Variants in GNE observed in about 807,000 individuals in gnomAD.
GNE encodes the protein bifunctional UDP-N-acetylglucosamine 2-epimerase/N-acetylmannosamine kinase.
In GNE, 41 loss-of-function variants were observed where a neutral mutation model predicts 61.8. The ratio of observed to expected loss-of-function variants is 0.66; its 90% CI spans 0.52 to 0.86. The LOEUF is 0.86. Among genes scored for constraint, GNE ranks in the 40% least tolerant of loss-of-function variants. The pLI is 0.00. For synonymous variants in GNE, 264 were observed against 326.4 expected, an observed-to-expected ratio of 0.81 and a Z score of 2.06; for missense variants, 608 against 909.1, an observed-to-expected ratio of 0.67 and a Z score of 4.26.
At chr9:36,228,834 C>T (rs1398573009) in intron 6 of GNE, among the ~76,000 whole-genome samples, 187 bp downstream of exon 6, 1 of 148,848 alleles carries the variant, frequency 6.7e-6, no homozygotes, top group South Asian at 2.1e-4. Flanking sequence ...ATGTATTCTA[C>T]ATTGGAACCT....
chr9:36,239,979 G>A (rs976686873), intron 3 of GNE, among the ~76,000 whole-genome samples: 7 of 152,224 alleles, frequency 4.6e-5, no homozygotes, highest in African/African-American at 1.4e-4. Context: ...CGCTGTTGGT[G>A]TATAGAAGAG....
Position 36,223,358 on chromosome 9 carries a change from A to T in GNE, c.1411+15T>A. 6.2e-7 allele frequency: 1 copy of T among 1,608,446 alleles called. No individual in the cohort carries two copies. The highest frequency in any genetic ancestry group is 8.5e-7 in the Non-Finnish European group (1 of 1,174,812). On this transcript the variant is annotated intron_variant, in intron 8 of 11. Coordinates refer to ENST00000642385, the MANE Select transcript of GNE (RefSeq NM_005476.7). ...TAAAATGAGCATTTCTTGGATTTAT[A>T]ATTTACAATCTTACCTACTCCCAAA...
chr9:36,257,452 C>CGTTTTT (rs1830402713), intron 1 of GNE, among the ~76,000 whole-genome samples: 2 of 152,160 alleles, frequency 1.3e-5, no homozygotes, highest in Non-Finnish European at 2.9e-5. Flanking sequence ...TACCCCACCC[C>CGTTTTT]TCCTACCAGA....
In GNE at chr9:36,215,884, G is replaced by A. The variant is rs1397002110; in HGVS notation, c.*1481C>T. 1 of 175,340 alleles carries A rather than the reference G, an allele frequency of 5.7e-6. No homozygotes were observed. The highest frequency in any genetic ancestry group is 1.2e-5 in the Non-Finnish European group (1 of 81,420). The allele number at this position is 175,340 out of a possible 1,614,324, so 10.9% of individuals were successfully genotyped here. On this transcript the variant is annotated 3_prime_UTR_variant, in exon 12 of 12. Transcript: ENST00000642385. ...CCTAGGGTGTTACTCAACACAGTAT[G>A]AAAGGCTACTGAAGGAAGAAGTGTC...
intron 3 of GNE, among the ~76,000 whole-genome samples, chr9:36,239,438 A>C (rs184997712): frequency 6.6e-5 from 10 of 150,984 alleles, no homozygotes; most frequent in Admixed American, 6.6e-4. Flanking sequence ...CATGTTGTCT[A>C]TGATTTCTTT....
intron 5 of GNE, among the ~76,000 whole-genome samples, chr9:36,231,558 T>C (rs1829156292): frequency 6.6e-6 from 1 of 152,192 alleles, no homozygotes; most frequent in Non-Finnish European, 1.5e-5. Context: ...GATTTGCAAC[T>C]TTCAGGTCTT....
At position 36,217,197 on chromosome 9, in the gene GNE, G is replaced by A; in HGVS notation, c.*168C>T. ...GAATAGCATCTACAAAAATAGGAGT[G>A]GGGAAAGGTGACTCTGGAAGAGGAG... On this transcript the variant is annotated 3_prime_UTR_variant, in exon 12 of 12. Transcript: ENST00000642385. 1.5e-6 allele frequency: 1 copy of A among 661,122 alleles called. No individual in the cohort carries two copies. The highest frequency in any genetic ancestry group is 2.7e-5 in the East Asian group (1 of 36,784). 41.0% of individuals were successfully genotyped at this position (661,122 alleles called of 1,614,324 possible). A position where few individuals can be genotyped will look rare whatever the true frequency, so the allele number is the denominator to read the frequency against.
At chr9:36,250,747 C>T (rs1042174497) in intron 1 of GNE, among the ~76,000 whole-genome samples, 1 of 152,228 alleles carries the variant, frequency 6.6e-6, no homozygotes, top group East Asian at 1.9e-4. Context: ...GTGGCACGAG[C>T]TTGGCTCACT....
intron 6 of GNE, among the ~76,000 whole-genome samples, chr9:36,228,032 CAAA>C (rs1385568208): frequency 2.1e-5 from 1 of 46,904 alleles, no homozygotes; most frequent in Non-Finnish European, 4.8e-5. Flanking sequence ...GACTCCGTCT[CAAA>C]AAAAAAAAAA....
intron 1 of GNE, among the ~76,000 whole-genome samples, chr9:36,270,581 G>A (rs1019328098): frequency 6.0e-5 from 9 of 149,638 alleles, no homozygotes; most frequent in African/African-American, 1.5e-4. Context: ...GCAGTGGCAC[G>A]ATCTCGGCTC....
In GNE at chr9:36,223,371, A is replaced by C; in HGVS notation, c.1411+2T>G. The C allele has an allele frequency of 1.2e-6, 2 of 1,611,680 alleles. No homozygotes were observed. Among genetic ancestry groups the C allele is most frequent in the Non-Finnish European group, 1.7e-6 (2 of 1,177,728 alleles). On this transcript the variant is annotated splice_donor_variant, in intron 8 of 11. Coordinates refer to ENST00000642385, the MANE Select transcript of GNE (RefSeq NM_005476.7). LOFTEE classifies it high-confidence loss of function. ...TCTTGGATTTATAATTTACAATCTT[A>C]CCTACTCCCAAAATTCTGCAGTTCA...
intron 2 of GNE, 120 bp from the exon 3 acceptor site, chr9:36,246,602 G>A (rs1371809161): frequency 3.6e-5 from 22 of 607,024 alleles, no homozygotes; most frequent in Non-Finnish European, 6.1e-5. Context: ...ATAAATTGAA[G>A]TATAACTTAC....
chr9:36,276,489 A>C (rs1176564679), intron 1 of GNE, among the ~76,000 whole-genome samples: 1 of 152,236 alleles, frequency 6.6e-6, no homozygotes, highest in African/African-American at 2.4e-5. Context: ...AAAGAAGTAC[A>C]AATCAGGCAG....
upstream of GNE, among the ~76,000 whole-genome samples, chr9:36,262,394 C>T (rs1368933658): frequency 6.6e-6 from 1 of 152,026 alleles, no homozygotes; most frequent in Non-Finnish European, 1.5e-5. Context: ...CAGCAAGGAC[C>T]CTTAGGAGGC....
rs558380407 is a variant in GNE, at chr9:36,270,566, G to C, written c.51+6328C>G. 5.5e-3 allele frequency among the ~76,000 whole-genome samples: 810 copies of C among 147,582 alleles called. 9 individuals are homozygous for C. Among genetic ancestry groups the C allele is most frequent in the African/African-American group, 0.019 (757 of 39,912 alleles). ...GGAGTCTCGCTCTTTCGCCCAGGCC[G>C]TACTGCAGTGGCACGATCTCGGCTC... On this transcript the variant is annotated intron_variant, in intron 1 of 11. Coordinates refer to the GNE transcript ENST00000396594.
chr9:36,253,153 C>G (rs1479822765), intron 1 of GNE, among the ~76,000 whole-genome samples: 1 of 151,846 alleles, frequency 6.6e-6, no homozygotes, highest in Non-Finnish European at 1.5e-5. Context: ...CAGAATAAGT[C>G]TCTATCTAAA....
At chr9:36,231,399 T>C (rs1829149812) in intron 5 of GNE, among the ~76,000 whole-genome samples, 1 of 152,158 alleles carries the variant, frequency 6.6e-6, no homozygotes, top group African/African-American at 2.4e-5. Context: ...GAGCTATGAA[T>C]ACACCACTGC....
chr9:36,239,249 T>A (rs1031505641), intron 3 of GNE, among the ~76,000 whole-genome samples: 1 of 152,154 alleles, frequency 6.6e-6, no homozygotes, highest in African/African-American at 2.4e-5. Flanking sequence ...TTAGAATTAT[T>A]TTTTTAATTC....
chr9:36,216,641 A>ATTAT lies in GNE; in HGVS notation c.*720_*723dup, dbSNP rs1336177487. Reference sequence around the variant, plus strand: ...TGAGCCACTGCGCCCAGCTGGAAGGATTATTATTATTATTATTATTATTAT... The same window carrying ATTAT: ...TGAGCCACTGCGCCCAGCTGGAAGGATTATTTATTATTATTATTATTATTATTAT... On this transcript the variant is annotated 3_prime_UTR_variant, in exon 12 of 12. Coordinates refer to ENST00000642385, the MANE Select transcript of GNE (RefSeq NM_005476.7). 2.4e-5 allele frequency: 1 copy of ATTAT among 42,108 alleles called. No homozygotes were observed. The highest frequency in any genetic ancestry group is 4.3e-5 in the Non-Finnish European group (1 of 23,168). The allele number at this position is 42,108 out of a possible 1,614,324, so 2.6% of individuals were successfully genotyped here. A position where few individuals can be genotyped will look rare whatever the true frequency, so the allele number is the denominator to read the frequency against.
Sources: gnomAD v4.1 joint callset for allele counts (sites outside exome capture counted in the v4.1 genomes callset) on GRCh38, gnomAD v4.1.1 for gene constraint, MANE v1.5 for transcripts, NCBI Gene and HGNC (gene_info 2026-07-23, HGNC 2026-07-21) for gene names.